FSTL5: variants seen among roughly 807,000 people sequenced by gnomAD.
FSTL5 encodes the protein follistatin-related protein 5.
In FSTL5, 62 loss-of-function variants were observed where a neutral mutation model predicts 89.1. That is an observed-to-expected ratio of 0.70 (90% confidence interval 0.57 to 0.86). FSTL5 has a LOEUF of 0.86. Ranked by LOEUF, FSTL5 falls within the 40% of genes least tolerant of loss-of-function variation. The pLI is 0.00. For synonymous variants in FSTL5, 383 were observed against 346.2 expected (o/e 1.11, Z -1.18); for missense variants, 1,057 against 1,001.6 (o/e 1.06, Z -0.75).
intron 2 of FSTL5, among the ~76,000 whole-genome samples, chr4:162,062,218 A>C (rs113367843): frequency 6.6e-6 from 1 of 151,992 alleles, no homozygotes. Flanking sequence ...ATAAAAACCA[A>C]GTTTGTACCT....
At chr4:161,657,445 G>A (rs1383240789) in intron 6 of FSTL5, among the ~76,000 whole-genome samples, 1 of 152,170 alleles carries the variant, frequency 6.6e-6, no homozygotes, top group African/African-American at 2.4e-5. Context: ...TAACTTAAAT[G>A]TCGATGTAGA....
At chr4:161,514,402 C>T (rs911257131) in intron 10 of FSTL5, among the ~76,000 whole-genome samples, 1 of 151,910 alleles carries the variant, frequency 6.6e-6, no homozygotes, top group African/African-American at 2.4e-5. Flanking sequence ...TTCTCACTTA[C>T]AAGTAAGAGC....
chr4:161,619,213 G>A (rs370186854), intron 7 of FSTL5, among the ~76,000 whole-genome samples: 41 of 152,056 alleles, frequency 2.7e-4, no homozygotes, highest in East Asian at 1.4e-3. Context: ...AGACTTAAAC[G>A]TTAGACCTAA....
intron 7 of FSTL5, among the ~76,000 whole-genome samples, chr4:161,595,188 A>G (rs998305892): frequency 6.6e-6 from 1 of 152,070 alleles, no homozygotes. Context: ...ATCCTGATAC[A>G]GCATTTCTGA....
chr4:162,050,747 T>C (rs1738352100), intron 2 of FSTL5, among the ~76,000 whole-genome samples: 1 of 151,104 alleles, frequency 6.6e-6, no homozygotes, highest in Non-Finnish European at 1.5e-5. Context: ...TGTTTGGGGT[T>C]GGGGGAGTAG....
Position 161,759,493 on chromosome 4 carries a change from A to G in FSTL5, c.645T>C (p.Asp215=), listed in dbSNP as rs770581521. 3.9e-5 allele frequency: 61 copies of G among 1,581,370 alleles called. No individual in the cohort carries two copies. Among genetic ancestry groups the G allele is most frequent in the Non-Finnish European group, 4.7e-5 (55 of 1,163,450 alleles). Residue 215 remains aspartate (D), a synonymous_variant, in exon 6 of 16, where the codon GAT becomes GAC. Transcript: ENST00000306100. The part of the protein sequence containing the change: ...KQEELGKDLF[D]CTLYVLLKYD... ...ATTTCAATAGAACATACAAAGTACA[A>G]TCAAAGAGATCCTTGCCAAGTTCTT...
chr4:161,779,818 T>TAC (rs1560841095), intron 4 of FSTL5, among the ~76,000 whole-genome samples: 1 of 69,796 alleles, frequency 1.4e-5, no homozygotes, highest in South Asian at 4.2e-4. Flanking sequence ...TATGTATATA[T>TAC]ATATATATAT....
intron 4 of FSTL5, among the ~76,000 whole-genome samples, chr4:161,809,713 G>A (rs964508428): frequency 6.6e-6 from 1 of 152,214 alleles, no homozygotes; most frequent in Non-Finnish European, 1.5e-5. Flanking sequence ...ACTACTCCAA[G>A]TGAAATATCC....
At chr4:161,860,062 G>A (rs1400634062) in intron 4 of FSTL5, among the ~76,000 whole-genome samples, 4 of 152,150 alleles carry the variant, frequency 2.6e-5, no homozygotes, top group Non-Finnish European at 5.9e-5. Context: ...GCCAAGGTGG[G>A]CGGATCACAA....
At chr4:161,649,585 G>T (rs1309509769) in intron 7 of FSTL5, among the ~76,000 whole-genome samples, 1 of 152,094 alleles carries the variant, frequency 6.6e-6, no homozygotes, top group African/African-American at 2.4e-5. Flanking sequence ...AATCAATTCA[G>T]AAAAACAAAA....
intron 7 of FSTL5, among the ~76,000 whole-genome samples, chr4:161,617,400 T>C (rs1578970624): frequency 6.6e-6 from 1 of 151,934 alleles, no homozygotes; most frequent in African/African-American, 2.4e-5. Flanking sequence ...AGGAACAATA[T>C]AAAGTGACAA....
chr4:161,519,988 C>T (rs1227434500), intron 10 of FSTL5, among the ~76,000 whole-genome samples: 1 of 152,084 alleles, frequency 6.6e-6, no homozygotes, highest in Middle Eastern at 3.4e-3. Flanking sequence ...CATATATATC[C>T]TAGGCGGAAC....
intron 15 of FSTL5, among the ~76,000 whole-genome samples, chr4:161,402,701 A>T (rs1486712442): frequency 6.6e-6 from 1 of 152,180 alleles, no homozygotes; most frequent in East Asian, 1.9e-4. Flanking sequence ...AGCTTTGAAG[A>T]TGTAGATTAA....
At chr4:161,430,522 C>T (rs996030639) in intron 15 of FSTL5, among the ~76,000 whole-genome samples, 3 of 152,112 alleles carry the variant, frequency 2.0e-5, no homozygotes, top group Non-Finnish European at 2.9e-5. Flanking sequence ...AGGTGGATCA[C>T]GAGGTCAGGA....
At chr4:161,837,024 T>C (rs1282452884) in intron 4 of FSTL5, among the ~76,000 whole-genome samples, 1 of 152,144 alleles carries the variant, frequency 6.6e-6, no homozygotes, top group Non-Finnish European at 1.5e-5. Context: ...AATATGTAGT[T>C]GGACCTATGA....
At chr4:161,642,945 T>C (rs1333975192) in intron 7 of FSTL5, among the ~76,000 whole-genome samples, 1 of 152,176 alleles carries the variant, frequency 6.6e-6, no homozygotes, top group Non-Finnish European at 1.5e-5. Context: ...GATGAAGTGG[T>C]AAATTTTATG....
intron 8 of FSTL5, among the ~76,000 whole-genome samples, chr4:161,552,991 A>G (rs1337075360): frequency 6.6e-6 from 1 of 151,696 alleles, no homozygotes; most frequent in African/African-American, 2.4e-5. Flanking sequence ...AACACATGAA[A>G]AAAAGAAACT....
At chr4:161,438,339 C>A (rs1004865137) in intron 15 of FSTL5, among the ~76,000 whole-genome samples, 7 of 150,710 alleles carry the variant, frequency 4.6e-5, no homozygotes, top group African/African-American at 1.7e-4. Flanking sequence ...ATTTTTTTTT[C>A]TTTTATGTGC....
chr4:161,569,520 C>T (rs2126583228), intron 8 of FSTL5, among the ~76,000 whole-genome samples: 1 of 152,236 alleles, frequency 6.6e-6, no homozygotes, highest in Non-Finnish European at 1.5e-5. Flanking sequence ...ACAGCAATTA[C>T]ATTTCTGTTC....
Sources: gnomAD v4.1 joint callset for allele counts (sites outside exome capture counted in the v4.1 genomes callset) on GRCh38, gnomAD v4.1.1 for gene constraint, MANE v1.5 for transcripts, NCBI Gene and HGNC (gene_info 2026-07-23, HGNC 2026-07-21) for gene names.